The following SLC6A16 variants were observed in gnomAD, a reference collection of about 807,000 sequenced individuals.
SLC6A16 encodes the protein orphan sodium- and chloride-dependent neurotransmitter transporter NTT5.
A neutral mutation model predicts 65.4 loss-of-function variants in SLC6A16; 54 were observed. That is an observed-to-expected ratio of 0.83 (90% CI 0.66 to 1.04). SLC6A16 has a LOEUF of 1.04. Ranked by LOEUF, SLC6A16 falls within the 50% of genes least tolerant of loss-of-function variation. The pLI, the probability that SLC6A16 is intolerant of heterozygous loss-of-function variation, is 0.00. For missense variants in SLC6A16, 816 were observed against 914.0 expected, an observed-to-expected ratio of 0.89 and a Z score of 1.38; for synonymous variants, 330 against 346.5, an observed-to-expected ratio of 0.95 and a Z score of 0.53.
At chr19:49,310,911 G>T in intron 2 of SLC6A16, 22 bp downstream of exon 2, 1 of 1,576,726 alleles carries the variant, frequency 6.3e-7, no homozygotes, top group Non-Finnish European at 8.7e-7. Flanking sequence ...GTGGACCCAG[G>T]TTTCCTGGTC....
chr19:49,339,736 G>A, the SLC6A16 span: 9 of 1,398,006 alleles, frequency 6.4e-6, no homozygotes, highest in African/African-American at 1.2e-4. This position sits in a 1 kb window ranked among gnomAD's most constrained non-coding sequence, Gnocchi z 4.5. Flanking sequence ...GCCGGGCGCT[G>A]GGGATTCGAG....
chr19:49,337,629 G>T, the SLC6A16 span: 1 of 1,485,908 alleles, frequency 6.7e-7, no homozygotes. Context: ...TTAATAGAAA[G>T]ACACACCGAC....
chr19:49,306,894 GT>G (rs751111041), intron 7 of SLC6A16, among the ~76,000 whole-genome samples: 5 of 151,782 alleles, frequency 3.3e-5, no homozygotes, highest in Non-Finnish European at 7.4e-5. Flanking sequence ...AAGCAATATA[GT>G]AACCACTATC....
upstream of SLC6A16, among the ~76,000 whole-genome samples, chr19:49,326,169 CA>C (rs544859156): frequency 4.8e-4 from 62 of 127,848 alleles, no homozygotes; most frequent in Admixed American, 7.3e-4. Context: ...GACTCCGTCT[CA>C]AAAAAAAAAA....
intron 2 of SLC6A16, 55 bp downstream of exon 2, chr19:49,310,878 G>A (rs531914366): frequency 7.7e-7 from 1 of 1,293,414 alleles, no homozygotes; most frequent in African/African-American, 1.5e-5. Flanking sequence ...AGCCTGGACA[G>A]GACTCTGTCC....
At chr19:49,293,416 A>G (rs764293699) in intron 9 of SLC6A16, 34 bp from the exon 10 acceptor site, 12 of 1,610,516 alleles carry the variant, frequency 7.5e-6, no homozygotes, top group Admixed American at 1.7e-5. Context: ...TCAAGGTTAG[A>G]AGTCACGGCT....
chr19:49,325,591 A>C (rs1250185524), upstream of SLC6A16, among the ~76,000 whole-genome samples: 4 of 152,332 alleles, frequency 2.6e-5, no homozygotes, highest in Non-Finnish European at 4.4e-5. Context: ...AACAAGGCAG[A>C]CAGGGACGTT....
the SLC6A16 span, among the ~76,000 whole-genome samples, chr19:49,334,396 G>A: frequency 6.6e-6 from 1 of 152,090 alleles, no homozygotes; most frequent in African/African-American, 2.4e-5. Flanking sequence ...TGAGGTGCAA[G>A]GATTGCTCGA....
chr19:49,332,529 G>A, the SLC6A16 span, among the ~76,000 whole-genome samples: 1 of 152,172 alleles, frequency 6.6e-6, no homozygotes, highest in Admixed American at 6.5e-5. Flanking sequence ...CAGCACTCCA[G>A]CCTGGGTGAC....
intron 1 of SLC6A16, among the ~76,000 whole-genome samples, chr19:49,316,727 G>A (rs1042646160): frequency 2.6e-5 from 4 of 151,954 alleles, no homozygotes; most frequent in African/African-American, 9.7e-5. Flanking sequence ...GAACAAGAAT[G>A]ATGAAGGATA....
chr19:49,304,966 CA>C (rs1228762691), intron 7 of SLC6A16, among the ~76,000 whole-genome samples: 1 of 152,180 alleles, frequency 6.6e-6, no homozygotes, highest in African/African-American at 2.4e-5. Flanking sequence ...AGTAATTTGG[CA>C]TCATCTGTGA....
intron 1 of SLC6A16, 101 bp downstream of exon 1, chr19:49,324,947 C>T (rs573589026): frequency 2.6e-5 from 19 of 717,056 alleles, no homozygotes; most frequent in African/African-American, 5.8e-5. Context: ...ACCTGTCACC[C>T]GTCAGTGGAG....
the SLC6A16 span, chr19:49,339,903 C>T: frequency 7.4e-7 from 1 of 1,349,686 alleles, no homozygotes; most frequent in Non-Finnish European, 9.6e-7. This position sits in a 1 kb window ranked among gnomAD's most constrained non-coding sequence, Gnocchi z 4.5. Flanking sequence ...GGGTTCAAGA[C>T]GAGGACCAGC....
the SLC6A16 span, chr19:49,338,169 C>A: frequency 3.4e-6 from 5 of 1,452,858 alleles, no homozygotes; most frequent in African/African-American, 4.3e-5. The surrounding 1 kb of genome is among the most constrained non-coding windows in gnomAD (Gnocchi z 5.0). Flanking sequence ...CGACGCTCCC[C>A]ACTCCCCAGA....
Position 49,294,418 on chromosome 19 carries a change from G to C in SLC6A16, c.1365C>G (p.Ser455Arg). The stretch of plus-strand genomic sequence containing the variant: ...ACTCAGTCACCTCGCGGAGAACCAT[G>C]CTTTTGATGTGCTGGGGAAGGCCAC... Reference protein sequence around the residue: ...WLSGLPQHIKSMVLREVTECN... With the variant: ...WLSGLPQHIKRMVLREVTECN... The change falls in exon 8 of 12, where the codon AGC becomes AGG. Residue 455 changes from serine to arginine, a missense_variant. Ser to Arg is a moderately radical substitution (Grantham distance 110). Transcript: ENST00000335875. 1 of 1,614,174 alleles carries C rather than the reference G, an allele frequency of 6.2e-7. No individual in the cohort carries two copies. The highest frequency in any genetic ancestry group is 8.5e-7 in the Non-Finnish European group (1 of 1,180,028).
At chr19:49,339,770 A>C in the SLC6A16 span, 1 of 1,373,310 alleles carries the variant, frequency 7.3e-7, no homozygotes, top group Non-Finnish European at 9.4e-7. The surrounding 1 kb of genome is among the most constrained non-coding windows in gnomAD (Gnocchi z 4.5). Context: ...CTGATCGCTG[A>C]CGGCGGCGGC....
the SLC6A16 span, chr19:49,339,753 GC>G: frequency 7.2e-7 from 1 of 1,391,480 alleles, no homozygotes; most frequent in African/African-American, 1.5e-5. This position sits in a 1 kb window ranked among gnomAD's most constrained non-coding sequence, Gnocchi z 4.5. Flanking sequence ...CGAGCCCCGG[GC>G]CCAGCCTGAT....
chr19:49,335,738 T>C, the SLC6A16 span: 1 of 1,614,030 alleles, frequency 6.2e-7, no homozygotes, highest in African/African-American at 1.3e-5. This position sits in a 1 kb window ranked among gnomAD's most constrained non-coding sequence, Gnocchi z 4.6. Context: ...GATCTTCTGC[T>C]TCGGCATCTG....
At chr19:49,310,205 G>A (rs1178594126) in intron 3 of SLC6A16, 39 bp from the exon 4 acceptor site, 3 of 1,612,818 alleles carry the variant, frequency 1.9e-6, no homozygotes, top group Admixed American at 3.3e-5. Context: ...AGGAAGAGCA[G>A]GGACAGGAAA....
Sources: gnomAD v4.1 joint callset for allele counts (sites outside exome capture counted in the v4.1 genomes callset) on GRCh38, gnomAD v4.1.1 for gene constraint, Gnocchi (gnomAD v3.1) non-coding constraint, MANE v1.5 for transcripts, NCBI Gene and HGNC (gene_info 2026-07-23, HGNC 2026-07-21) for gene names.